TBL1X: variants seen among roughly 807,000 people sequenced by gnomAD.
TBL1X encodes the protein F-box-like/WD repeat-containing protein TBL1X.
Under a neutral mutation model 50.7 loss-of-function variants are expected in TBL1X, and 10 were observed. The observed-to-expected ratio is 0.20, with a 90% confidence interval of 0.12 to 0.33. TBL1X has a LOEUF of 0.33. Ranked by LOEUF, TBL1X falls within the 10% of genes least tolerant of loss-of-function variation. TBL1X has a pLI of 1.00. For missense variants in TBL1X, 340 were observed against 504.4 expected (o/e 0.67, Z 3.12); for synonymous variants, 190 against 214.7 (o/e 0.88, Z 1.01).
At chrX:9,498,472 C>T (rs2081983957) in intron 1 of TBL1X, among the ~76,000 whole-genome samples, 1 of 112,508 alleles carries the variant, frequency 8.9e-6, no homozygotes, top group South Asian at 3.6e-4. Context: ...TCCCTGACAG[C>T]TCCTTGATAA....
intron 2 of TBL1X, among the ~76,000 whole-genome samples, chrX:9,580,522 AG>A (rs1197560133): frequency 8.9e-6 from 1 of 111,923 alleles, no homozygotes; most frequent in Middle Eastern, 4.2e-3. Flanking sequence ...GTTGAATAGA[AG>A]GGGAGGCAGG....
chrX:9,692,377 C>A (rs999242753), intron 9 of TBL1X, 123 bp downstream of exon 9: 7 of 867,261 alleles, frequency 8.1e-6, no homozygotes, highest in East Asian at 6.9e-5. Context: ...GCTCAGCCCC[C>A]ACTCTGATGG....
chrX:9,531,242 G>A (rs2082158521), intron 2 of TBL1X, among the ~76,000 whole-genome samples: 1 of 110,276 alleles, frequency 9.1e-6, no homozygotes. Context: ...AGGGAGAGAG[G>A]GAGGGGAGAG....
At chrX:9,675,144 C>T (rs1285632639) in intron 5 of TBL1X, among the ~76,000 whole-genome samples, 1 of 112,243 alleles carries the variant, frequency 8.9e-6, no homozygotes, top group Non-Finnish European at 1.9e-5. Flanking sequence ...GCAGTTGTCA[C>T]CTTTTCTCCA....
chrX:9,491,338 A>ATATATAT (rs1328551249), intron 1 of TBL1X, among the ~76,000 whole-genome samples: 16 of 31,310 alleles, frequency 5.1e-4, no homozygotes, highest in African/African-American at 5.8e-4. Context: ...ATATATATAT[A>ATATATAT]TTTTTTTTTT....
intron 5 of TBL1X, among the ~76,000 whole-genome samples, chrX:9,666,541 T>A (rs2082932073): frequency 8.9e-6 from 1 of 112,470 alleles, no homozygotes; most frequent in African/African-American, 3.2e-5. Context: ...GTAAAATGTC[T>A]TCAACATTTA....
chrX:9,625,137 G>A (rs2082686079), intron 2 of TBL1X, among the ~76,000 whole-genome samples: 1 of 112,139 alleles, frequency 8.9e-6, no homozygotes. Flanking sequence ...AACGTCTGCA[G>A]GTTCATCTTG....
Position 9,716,389 on chromosome X carries a change from T to A in TBL1X, c.*143T>A, listed in dbSNP as rs2083278917. ...ACCAACTCGTCTCTGGCCGCAGGAG[T>A]CTATATGTTTTCGTAATCTTCATCA... On this transcript the variant is annotated 3_prime_UTR_variant, in exon 18 of 18. Coordinates refer to ENST00000645353, the MANE Select transcript of TBL1X (RefSeq NM_005647.4). 13 of 592,369 alleles carry A rather than the reference T, an allele frequency of 2.2e-5. No individual in the cohort carries two copies. The highest frequency in any genetic ancestry group is 3.0e-5 in the Non-Finnish European group (12 of 395,392). 48.8% of individuals were successfully genotyped at this position (592,369 alleles called of 1,213,427 possible).
At chrX:9,694,834 G>A (rs1453904813) in intron 11 of TBL1X, among the ~76,000 whole-genome samples, 8 of 110,257 alleles carry the variant, frequency 7.3e-5, no homozygotes, top group Admixed American at 5.8e-4. Context: ...TTAGCTGGGC[G>A]TGGTGGGGGA....
intron 2 of TBL1X, among the ~76,000 whole-genome samples, chrX:9,533,184 AAAGG>A (rs758011845): frequency 1.9e-4 from 21 of 112,072 alleles, no homozygotes; most frequent in Non-Finnish European, 3.0e-4. Flanking sequence ...GTAAGAGGTA[AAAGG>A]AAGGGAGTTG....
At chrX:9,653,145 C>A (rs1017883876) in intron 3 of TBL1X, among the ~76,000 whole-genome samples, 5 of 112,949 alleles carry the variant, frequency 4.4e-5, no homozygotes, top group Non-Finnish European at 9.4e-5. Context: ...GGCCTGGCAA[C>A]AGAGCGAGAC....
intron 5 of TBL1X, among the ~76,000 whole-genome samples, chrX:9,664,371 C>T (rs1313450462): frequency 8.9e-6 from 1 of 111,994 alleles, no homozygotes; most frequent in Non-Finnish European, 1.9e-5. Flanking sequence ...AGGCCTAGGG[C>T]TGGGTGGGGG....
At chrX:9,663,923 A>G (rs1308805435) in intron 5 of TBL1X, among the ~76,000 whole-genome samples, 1 of 110,728 alleles carries the variant, frequency 9.0e-6, no homozygotes, top group Non-Finnish European at 1.9e-5. Flanking sequence ...GTTATAGGAG[A>G]GTTCTTTTGT....
At chrX:9,679,074 T>C (rs2083010692) in intron 5 of TBL1X, among the ~76,000 whole-genome samples, 1 of 108,577 alleles carries the variant, frequency 9.2e-6, no homozygotes, top group Admixed American at 1.0e-4. Context: ...CTGGTTATGC[T>C]CTGTTACTGT....
chrX:9,687,566 C>T (rs995142535), intron 6 of TBL1X, among the ~76,000 whole-genome samples: 1 of 110,978 alleles, frequency 9.0e-6, no homozygotes, highest in Admixed American at 9.5e-5. Flanking sequence ...TGTTGAGCAG[C>T]GTCCCTGGGC....
chrX:9,600,475 G>GGGGCGGGGA (rs2082550567), intron 2 of TBL1X, among the ~76,000 whole-genome samples: 1 of 73,674 alleles, frequency 1.4e-5, no homozygotes, highest in African/African-American at 5.7e-5. Flanking sequence ...TGGGCGGGGG[G>GGGGCGGGGA]GGGGGTACAC....
intron 2 of TBL1X, among the ~76,000 whole-genome samples, chrX:9,513,886 G>A (rs990379302): frequency 1.8e-5 from 2 of 108,681 alleles, no homozygotes. Flanking sequence ...AGGGAGAGCA[G>A]GTGTCTCACA....
chrX:9,692,883 C>T (rs1205986881), intron 9 of TBL1X, among the ~76,000 whole-genome samples: 1 of 112,611 alleles, frequency 8.9e-6, no homozygotes, highest in Non-Finnish European at 1.9e-5. Flanking sequence ...CGTCGTGCAG[C>T]CCAGGAAAGG....
chrX:9,635,070 C>T (rs2082739034), intron 2 of TBL1X, among the ~76,000 whole-genome samples: 4 of 111,480 alleles, frequency 3.6e-5, no homozygotes, highest in South Asian at 3.8e-4. Flanking sequence ...CTGGAGGGGC[C>T]GTGTCCCGGC....
Sources: allele counts gnomAD v4.1 joint callset (sites outside exome capture counted in the v4.1 genomes callset), GRCh38; gene constraint gnomAD v4.1.1; transcripts MANE v1.5; gene names NCBI Gene and HGNC (gene_info 2026-07-23, HGNC 2026-07-21).